The following ENTREP2 variants were observed in gnomAD, a reference collection of about 807,000 sequenced individuals.
ENTREP2 encodes the protein endosomal transmembrane epsin interactor 2, also known as protein ENTREP2.
chr15:29,604,134 A>G, the ENTREP2 span, among the ~76,000 whole-genome samples: 1 of 151,942 alleles, frequency 6.6e-6, no homozygotes, highest in Non-Finnish European at 1.5e-5. Flanking sequence ...AAAACTGGAT[A>G]AAGAAAGTGA....
At chr15:29,665,051 A>G in the ENTREP2 span, among the ~76,000 whole-genome samples, 62 of 152,302 alleles carry the variant, frequency 4.1e-4, no homozygotes, top group Admixed American at 4.0e-3. Flanking sequence ...CCAAGTGAGG[A>G]GCAACTGTGC....
the ENTREP2 span, among the ~76,000 whole-genome samples, chr15:29,133,056 G>A: frequency 3.9e-5 from 6 of 152,142 alleles, no homozygotes; most frequent in African/African-American, 1.4e-4. Context: ...GCCCTGCCCG[G>A]TGCCCCTGCT....
the ENTREP2 span, among the ~76,000 whole-genome samples, chr15:29,307,982 GAAAC>G: frequency 6.6e-6 from 1 of 152,128 alleles, no homozygotes; most frequent in Non-Finnish European, 1.5e-5. Context: ...TTTTAGAAGA[GAAAC>G]AATATGTTGG....
chr15:29,469,154 C>T, the ENTREP2 span, among the ~76,000 whole-genome samples: 4 of 152,258 alleles, frequency 2.6e-5, no homozygotes, highest in African/African-American at 9.6e-5. Flanking sequence ...ATACGCCAGT[C>T]ACAGAGGACA....
the ENTREP2 span, among the ~76,000 whole-genome samples, chr15:29,463,051 A>G: frequency 1.3e-5 from 2 of 152,160 alleles, no homozygotes; most frequent in African/African-American, 4.8e-5. Flanking sequence ...GGAGAGTCCA[A>G]CAGCCTTTTC....
chr15:29,504,632 T>C, the ENTREP2 span, among the ~76,000 whole-genome samples: 3 of 152,220 alleles, frequency 2.0e-5, no homozygotes, highest in African/African-American at 7.2e-5. Context: ...CTTTTATACT[T>C]AGGATTCTTA....
the ENTREP2 span, among the ~76,000 whole-genome samples, chr15:29,315,876 A>G: frequency 6.6e-6 from 1 of 152,156 alleles, no homozygotes; most frequent in South Asian, 2.1e-4. Context: ...AAGTTATAAA[A>G]CCAAAGGCTG....
chr15:29,333,795 G>C, the ENTREP2 span, among the ~76,000 whole-genome samples: 1 of 152,170 alleles, frequency 6.6e-6, no homozygotes, highest in South Asian at 2.1e-4. Context: ...CACTGCAGAT[G>C]CTATTGACTA....
chr15:29,293,584 G>A, the ENTREP2 span, among the ~76,000 whole-genome samples: 3 of 152,182 alleles, frequency 2.0e-5, no homozygotes, highest in Non-Finnish European at 4.4e-5. Flanking sequence ...AACCAGGAAG[G>A]GTTCCCCCAG....
At chr15:29,586,201 GA>G in the ENTREP2 span, among the ~76,000 whole-genome samples, 1 of 152,060 alleles carries the variant, frequency 6.6e-6, no homozygotes, top group East Asian at 1.9e-4. Context: ...TATGCTAAGT[GA>G]AAAAAGCCAG....
the ENTREP2 span, among the ~76,000 whole-genome samples, chr15:29,179,204 A>G: frequency 6.6e-6 from 1 of 152,246 alleles, no homozygotes; most frequent in Non-Finnish European, 1.5e-5. Flanking sequence ...TCTCTAAGTA[A>G]ATAGTATGAA....
At chr15:29,267,668 G>A in the ENTREP2 span, 1 of 152,116 alleles carries the variant, frequency 6.6e-6, no homozygotes, top group Admixed American at 6.5e-5. Context: ...GAGACTAGAG[G>A]ACTATCTTTT....
chr15:29,625,847 A>AT, the ENTREP2 span, among the ~76,000 whole-genome samples: 2 of 151,360 alleles, frequency 1.3e-5, no homozygotes, highest in Admixed American at 6.6e-5. Context: ...TTAAAAAACA[A>AT]TTTTTTTCTT....
chr15:29,590,815 A>C, the ENTREP2 span, among the ~76,000 whole-genome samples: 1 of 152,130 alleles, frequency 6.6e-6, no homozygotes, highest in South Asian at 2.1e-4. Flanking sequence ...TTTTTAAGGG[A>C]GCCAAATATT....
chr15:29,656,126 AT>A, the ENTREP2 span, among the ~76,000 whole-genome samples: 6 of 152,286 alleles, frequency 3.9e-5, no homozygotes, highest in South Asian at 4.1e-4. Flanking sequence ...CCCAGTGAAA[AT>A]ATCTTACAAA....
chr15:29,640,289 C>T, the ENTREP2 span, among the ~76,000 whole-genome samples: 1 of 152,114 alleles, frequency 6.6e-6, no homozygotes, highest in African/African-American at 2.4e-5. Flanking sequence ...TAGAAAGACA[C>T]AAACTCCAAA....
the ENTREP2 span, among the ~76,000 whole-genome samples, chr15:29,423,335 T>C: frequency 6.6e-6 from 1 of 152,178 alleles, no homozygotes; most frequent in Non-Finnish European, 1.5e-5. Flanking sequence ...TGAAAATTCC[T>C]TCTTCTGACT....
chr15:29,219,939 C>T, the ENTREP2 span, among the ~76,000 whole-genome samples: 2 of 151,662 alleles, frequency 1.3e-5, no homozygotes, highest in African/African-American at 4.9e-5. Flanking sequence ...ATGGGTGCAC[C>T]AAAATCTCAC....
chr15:29,360,811 G>A, the ENTREP2 span, among the ~76,000 whole-genome samples: 3 of 152,188 alleles, frequency 2.0e-5, no homozygotes, highest in African/African-American at 7.2e-5. Flanking sequence ...TCTGGTCTGA[G>A]AGCCAGATGC....
Sources: gnomAD v4.1 joint callset for allele counts (sites outside exome capture counted in the v4.1 genomes callset) on GRCh38, gnomAD v4.1.1 for gene constraint, MANE v1.5 for transcripts, NCBI Gene and HGNC (gene_info 2026-07-23, HGNC 2026-07-21) for gene names.